Variants in SCHIP1 observed in about 807,000 individuals in gnomAD.
SCHIP1 encodes the protein schwannomin interacting protein 1.
SCHIP1 carries 8 observed loss-of-function variants against 29.7 expected under a neutral mutation model. The ratio of observed to expected loss-of-function variants is 0.27; its 90% CI spans 0.16 to 0.49. SCHIP1 has a LOEUF of 0.49. Ranked by LOEUF, SCHIP1 falls within the 20% of genes least tolerant of loss-of-function variation. SCHIP1 has a pLI of 0.99. For synonymous variants in SCHIP1, 76 were observed against 94.9 expected, an observed-to-expected ratio of 0.80 and a Z score of 1.16; for missense variants, 193 against 294.6, an observed-to-expected ratio of 0.66 and a Z score of 2.52.
chr3:159,315,151 A>G, the SCHIP1 span, among the ~76,000 whole-genome samples: 1 of 150,748 alleles, frequency 6.6e-6, no homozygotes, highest in Non-Finnish European at 1.5e-5. Flanking sequence ...TAGTTGCTCC[A>G]TGTCCTTGTC....
At chr3:159,675,819 C>A in the SCHIP1 span, among the ~76,000 whole-genome samples, 574 of 152,320 alleles carry the variant, frequency 3.8e-3, 6 homozygotes, top group African/African-American at 0.013. Context: ...CATGTTTGGG[C>A]TCAGAAGTGT....
chr3:159,283,525 T>A, the SCHIP1 span, among the ~76,000 whole-genome samples: 7 of 152,140 alleles, frequency 4.6e-5, no homozygotes, highest in African/African-American at 1.7e-4. Flanking sequence ...TTTTTTTTTT[T>A]TGAGACGGAG....
the SCHIP1 span, among the ~76,000 whole-genome samples, chr3:159,342,638 A>C: frequency 2.0e-5 from 3 of 152,340 alleles, no homozygotes; most frequent in Admixed American, 2.0e-4. Flanking sequence ...GAAGAAAGGT[A>C]ACAACTTTTA....
chr3:159,275,433 A>G, the SCHIP1 span, among the ~76,000 whole-genome samples: 2 of 152,152 alleles, frequency 1.3e-5, no homozygotes, highest in African/African-American at 4.8e-5. Flanking sequence ...CTAATCCAGA[A>G]GAATCCAAGA....
the SCHIP1 span, among the ~76,000 whole-genome samples, chr3:159,320,565 G>A: frequency 6.6e-6 from 1 of 151,972 alleles, no homozygotes; most frequent in Non-Finnish European, 1.5e-5. Context: ...TTGGCATTTT[G>A]TACTTAAGAG....
chr3:159,346,806 A>G, the SCHIP1 span, among the ~76,000 whole-genome samples: 237 of 152,276 alleles, frequency 1.6e-3, no homozygotes, highest in Middle Eastern at 0.014. Context: ...TTTTTTGTAA[A>G]ACGTTAATGT....
chr3:159,874,779 G>A (rs937423407), intron 2 of SCHIP1, among the ~76,000 whole-genome samples: 2 of 152,168 alleles, frequency 1.3e-5, no homozygotes, highest in African/African-American at 4.8e-5. Context: ...AGGTTGTCTA[G>A]TTCCAACTCA....
chr3:159,560,355 TACG>T, the SCHIP1 span, among the ~76,000 whole-genome samples: 1 of 152,274 alleles, frequency 6.6e-6, no homozygotes, highest in South Asian at 2.1e-4. Context: ...CCTAATGGCT[TACG>T]AGAGTGAATC....
At chr3:159,890,706 A>G (rs1453882200) in intron 5 of SCHIP1, among the ~76,000 whole-genome samples, 2 of 152,192 alleles carry the variant, frequency 1.3e-5, no homozygotes, top group African/African-American at 4.8e-5. Flanking sequence ...TTAGACTTTT[A>G]AACACTGAAA....
At chr3:159,614,615 C>G in the SCHIP1 span, among the ~76,000 whole-genome samples, 1 of 152,160 alleles carries the variant, frequency 6.6e-6, no homozygotes, top group African/African-American at 2.4e-5. Context: ...CATCCCTAAC[C>G]TATCTCAACC....
chr3:159,813,685 C>G, the SCHIP1 span, among the ~76,000 whole-genome samples: 1 of 148,400 alleles, frequency 6.7e-6, no homozygotes, highest in South Asian at 2.1e-4. Context: ...GAGACGCTAT[C>G]TCAAAAAAAA....
chr3:159,595,939 A>G, the SCHIP1 span, among the ~76,000 whole-genome samples: 1 of 152,230 alleles, frequency 6.6e-6, no homozygotes, highest in Non-Finnish European at 1.5e-5. Flanking sequence ...AACAAAAGCC[A>G]AAATCGACAA....
chr3:159,620,936 T>C, the SCHIP1 span, among the ~76,000 whole-genome samples: 1 of 152,234 alleles, frequency 6.6e-6, no homozygotes, highest in South Asian at 2.1e-4. Flanking sequence ...ACAGTCGGAT[T>C]GTAGCTCTAA....
the SCHIP1 span, among the ~76,000 whole-genome samples, chr3:159,479,584 G>C: frequency 6.6e-6 from 1 of 151,984 alleles, no homozygotes; most frequent in African/African-American, 2.4e-5. Flanking sequence ...CTAATAGTAG[G>C]CAATTAATTA....
At chr3:159,805,676 C>T in the SCHIP1 span, among the ~76,000 whole-genome samples, 1 of 152,170 alleles carries the variant, frequency 6.6e-6, no homozygotes, top group African/African-American at 2.4e-5. Flanking sequence ...TCACCTTGAA[C>T]TCCTGCATGC....
At chr3:159,277,808 T>C in the SCHIP1 span, among the ~76,000 whole-genome samples, 2 of 151,376 alleles carry the variant, frequency 1.3e-5, no homozygotes, top group African/African-American at 4.9e-5. Flanking sequence ...TAATCCCAGC[T>C]ACAGACTGAA....
the SCHIP1 span, among the ~76,000 whole-genome samples, chr3:159,333,374 TAA>T: frequency 8.5e-5 from 13 of 152,158 alleles, no homozygotes; most frequent in Admixed American, 7.9e-4. Flanking sequence ...TGGGATATAG[TAA>T]ATAGTCAATA....
chr3:159,619,378 T>G, the SCHIP1 span, among the ~76,000 whole-genome samples: 1 of 152,182 alleles, frequency 6.6e-6, no homozygotes, highest in African/African-American at 2.4e-5. Flanking sequence ...CCTGACAGCC[T>G]GTACCTCTGG....
chr3:159,383,296 G>A, the SCHIP1 span, among the ~76,000 whole-genome samples: 1 of 151,376 alleles, frequency 6.6e-6, no homozygotes, highest in Non-Finnish European at 1.5e-5. Flanking sequence ...AAGATGTAAG[G>A]AAGGGATCCA....
Sources: gnomAD v4.1 joint callset for allele counts (sites outside exome capture counted in the v4.1 genomes callset) on GRCh38, gnomAD v4.1.1 for gene constraint, MANE v1.5 for transcripts, NCBI Gene and HGNC (gene_info 2026-07-23, HGNC 2026-07-21) for gene names.